The following ENPP6 variants were observed in gnomAD, a reference collection of about 807,000 sequenced individuals.
ENPP6 encodes the protein glycerophosphocholine cholinephosphodiesterase ENPP6.
A neutral mutation model predicts 42.0 loss-of-function variants in ENPP6; 32 were observed. The observed-to-expected ratio is 0.76, with a 90% CI of 0.58 to 1.02. The LOEUF (loss-of-function observed/expected upper bound fraction) is 1.02. Ranked by LOEUF, ENPP6 falls within the 50% of genes least tolerant of loss-of-function variation. ENPP6 has a pLI of 0.00. For missense variants in ENPP6, 552 were observed against 566.8 expected, an observed-to-expected ratio of 0.97 and a Z score of 0.27; for synonymous variants, 213 against 216.0, an observed-to-expected ratio of 0.99 and a Z score of 0.12.
In ENPP6 at chr4:184,112,684, C is replaced by T; in HGVS notation, c.981G>A (p.Trp327Ter). 1 of 1,613,910 alleles carries T rather than the reference C, an allele frequency of 6.2e-7. No homozygotes were observed. The highest frequency in any genetic ancestry group is 8.5e-7 in the Non-Finnish European group (1 of 1,179,966). ...SPLTLVADEG[W>*]FITENREMLP... Reference sequence around the variant, plus strand: ...ATTTCATAATTACCTCAGTTATGAACCAGCCTTCATCAGCCACTAAAGTCA... The same window carrying T: ...ATTTCATAATTACCTCAGTTATGAATCAGCCTTCATCAGCCACTAAAGTCA... The change falls in exon 6 of 8, where the codon TGG (tryptophan) becomes TGA (stop). Residue 327 changes from tryptophan to a stop codon, truncating the protein, a stop_gained. Transcript: ENST00000296741. LOFTEE classifies it high-confidence loss of function.
Position 184,117,838 on chromosome 4 carries a change from T to C in ENPP6, c.596A>G (p.Tyr199Cys), listed in dbSNP as rs371882346. Reference sequence around the variant, plus strand: ...TTTCCTCTGCGGAGATGCAGGCCCGTAGTGGTGGCCTTCCACGTCAATGCG... The same window carrying C: ...TTTCCTCTGCGGAGATGCAGGCCCGCAGTGGTGGCCTTCCACGTCAATGCG... ...HERIDVEGHH[Y>C]GPASPQRKDA... Residue 199 changes from tyrosine (Y) to cysteine (C), a missense_variant, in exon 4 of 8, where the codon TAC (tyrosine) becomes TGC (cysteine). Tyr to Cys is a radical substitution (Grantham distance 194). Around this residue, in one of 2 missense-constraint regions of ENPP6, gnomAD observed 545 missense variants for 546.3 expected, o/e 1.00. Transcript: ENST00000296741. 7.4e-6 allele frequency: 12 copies of C among 1,614,126 alleles called. No homozygotes were observed. The highest frequency in any genetic ancestry group is 1.7e-5 in the Admixed American group (1 of 60,010).
intron 1 of ENPP6, among the ~76,000 whole-genome samples, chr4:184,173,852 ACACGTCAC>A (rs1302434990): frequency 6.6e-6 from 1 of 152,184 alleles, no homozygotes; most frequent in Non-Finnish European, 1.5e-5. Context: ...GAAGAATGAA[ACACGTCAC>A]CACAGGCTGA....
At chr4:184,103,961 A>G (rs1240594304) in intron 6 of ENPP6, among the ~76,000 whole-genome samples, 3 of 152,044 alleles carry the variant, frequency 2.0e-5, no homozygotes, top group African/African-American at 4.8e-5. Flanking sequence ...CTCGGAGTGG[A>G]GCAAAGCGCT....
intron 2 of ENPP6, among the ~76,000 whole-genome samples, chr4:184,139,305 G>A (rs1012271716): frequency 2.2e-4 from 33 of 151,954 alleles, no homozygotes; most frequent in African/African-American, 8.0e-4. Flanking sequence ...AGTTTTAGAG[G>A]GAGCAAAGTT....
At position 184,120,272 on chromosome 4, in the gene ENPP6, G is replaced by A. The variant is rs546539548; in HGVS notation, c.534-2372C>T. On this transcript the variant is annotated intron_variant, in intron 3 of 7. Transcript: ENST00000296741. Reference sequence around the variant, plus strand: ...GGGAGCTGGCTTCCTGGTGGCCCGTGGAAAGAGTTGTGTCATCCATTCCTT... The same window carrying A: ...GGGAGCTGGCTTCCTGGTGGCCCGTAGAAAGAGTTGTGTCATCCATTCCTT... Among the ~76,000 whole-genome samples the A allele has an allele frequency of 5.9e-5, 9 of 152,290 alleles. No individual in the cohort carries two copies. In the South Asian group the frequency reaches 1.7e-3, roughly 28 times the overall value.
rs573173036 is a variant in ENPP6, at chr4:184,184,928, AC to A, written c.242-31196del. Among the ~76,000 whole-genome samples, 16 of 152,318 alleles carry A rather than the reference AC, an allele frequency of 1.1e-4. No homozygotes were observed. Among genetic ancestry groups the A allele is most frequent in the Non-Finnish European group, 7.3e-5 (5 of 68,028 alleles). On this transcript the variant is annotated intron_variant, in intron 1 of 7. Transcript: ENST00000296741. This position sits in a 1 kb window ranked among gnomAD's most constrained non-coding sequence, Gnocchi z 4.7. ...GTGACAGCAGCCCTAGGGAGCTGAC[AC>A]AAAGGCTGCGAGACAGGAGGAATGG...
In ENPP6 at chr4:184,091,094, T is replaced by G; in HGVS notation, c.*83A>C. 7.7e-7 allele frequency: 1 copy of G among 1,300,656 alleles called. No individual in the cohort carries two copies. The highest frequency in any genetic ancestry group is 1.0e-6 in the Non-Finnish European group (1 of 957,688). The allele number at this position is 1,300,656 out of a possible 1,614,324, so 80.6% of individuals were successfully genotyped here. On this transcript the variant is annotated 3_prime_UTR_variant, in exon 8 of 8. Transcript: ENST00000296741. The stretch of plus-strand genomic sequence containing the variant: ...CTTGATTGTGTTAATGAAGCTATTA[T>G]TCACACATAAAATGAAAATCATCTG...
At chr4:184,208,920 CCCT>C (rs1733056496) in intron 1 of ENPP6, among the ~76,000 whole-genome samples, 1 of 143,858 alleles carries the variant, frequency 7.0e-6, no homozygotes, top group Non-Finnish European at 1.5e-5. Flanking sequence ...TCAAGTGGGT[CCCT>C]GACCCCTGAC....
intron 3 of ENPP6, among the ~76,000 whole-genome samples, chr4:184,120,653 C>T (rs1271143138): frequency 6.6e-6 from 1 of 152,192 alleles, no homozygotes; most frequent in East Asian, 1.9e-4. Flanking sequence ...TGATGCAGAT[C>T]ACAAACCCTG....
intron 5 of ENPP6, among the ~76,000 whole-genome samples, chr4:184,113,958 T>TCTTC (rs1491288091): frequency 8.8e-4 from 130 of 147,610 alleles, no homozygotes; most frequent in Middle Eastern, 3.5e-3. Context: ...TTTCTTTCTT[T>TCTTC]CTTTCTCTCT....
intron 1 of ENPP6, among the ~76,000 whole-genome samples, chr4:184,164,060 G>C (rs868481786): frequency 6.6e-6 from 1 of 152,208 alleles, no homozygotes; most frequent in Non-Finnish European, 1.5e-5. Flanking sequence ...GGCTGTGGGC[G>C]TCCTGTTCGC....
chr4:184,158,121 G>A (rs1737204978), intron 1 of ENPP6, among the ~76,000 whole-genome samples: 1 of 152,134 alleles, frequency 6.6e-6, no homozygotes, highest in Non-Finnish European at 1.5e-5. Context: ...AAAAGAAATG[G>A]TCTCTGTCTT....
chr4:184,137,127 C>T (rs1034077392), intron 2 of ENPP6, among the ~76,000 whole-genome samples: 1 of 152,190 alleles, frequency 6.6e-6, no homozygotes, highest in South Asian at 2.1e-4. Flanking sequence ...GATGGAGTCT[C>T]GCTCTGTCAC....
chr4:184,127,778 G>A (rs1434760412), intron 2 of ENPP6, among the ~76,000 whole-genome samples: 5 of 152,276 alleles, frequency 3.3e-5, no homozygotes, highest in South Asian at 2.1e-4. Flanking sequence ...TTAAAAAATC[G>A]TTAAGCCTAA....
intron 5 of ENPP6, 92 bp downstream of exon 5, chr4:184,116,764 C>A (rs933791375): frequency 1.3e-5 from 19 of 1,516,276 alleles, no homozygotes; most frequent in Non-Finnish European, 1.7e-5. Flanking sequence ...ACACACAAAA[C>A]AAAACAAAAA....
rs34358499 is a variant in ENPP6 at position 184,157,774 on chromosome 4, AT to A, written c.242-4042del. On this transcript the variant is annotated intron_variant, in intron 1 of 7. Transcript: ENST00000296741. ...AGGCATGCGCCACCAAACTTGGCTA[AT>A]TTTTTTTTTTTTTTTTGTATTTTTT... Among the ~76,000 whole-genome samples, 539 of 122,352 alleles carry A rather than the reference AT, an allele frequency of 4.4e-3. 4 individuals are homozygous for A. Among genetic ancestry groups the A allele is most frequent in the African/African-American group, 0.016 (516 of 32,000 alleles). The allele number at this position is 122,352 out of a possible 152,430, so 80.3% of individuals were successfully genotyped here. A position where few individuals can be genotyped will look rare whatever the true frequency, so the allele number is the denominator to read the frequency against.
Position 184,117,009 on chromosome 4 carries a change from G to T in ENPP6, c.702C>A (p.Asn234Lys). 1.2e-6 allele frequency: 2 copies of T among 1,614,188 alleles called. No individual in the cohort carries two copies. Among genetic ancestry groups the T allele is most frequent in the South Asian group, 1.1e-5 (1 of 91,076 alleles). ...TTCCGTGATCCGAGAAAATAATGAC[G>T]TTCAGGCGGTCCTGCAGGCCCCGCT... ...IQERGLQDRL[N>K]VIIFSDHGMT... is the part of the protein sequence containing the mutation. Residue 234 changes from asparagine to lysine, a missense_variant, in exon 5 of 8, where the codon AAC (asparagine) becomes AAA (lysine). By Grantham distance (94) the Asn-to-Lys change is moderately conservative. Around this residue, in one of 2 missense-constraint regions of ENPP6, gnomAD observed 545 missense variants for 546.3 expected, o/e 1.00. Coordinates refer to ENST00000296741, the MANE Select transcript of ENPP6 (RefSeq NM_153343.4).
chr4:184,141,146 G>A (rs113117232), intron 2 of ENPP6, among the ~76,000 whole-genome samples: 1,556 of 152,284 alleles, frequency 0.01, 22 homozygotes, highest in South Asian at 0.04. Flanking sequence ...GCTTTGTTTC[G>A]TTTTCTCTAG....
At chr4:184,136,378 A>T (rs1736730084) in intron 2 of ENPP6, among the ~76,000 whole-genome samples, 1 of 151,944 alleles carries the variant, frequency 6.6e-6, no homozygotes, top group Non-Finnish European at 1.5e-5. Context: ...CAAAAAAGGG[A>T]TTTTTAGTAT....
Sources: gnomAD v4.1 joint callset for allele counts (sites outside exome capture counted in the v4.1 genomes callset) on GRCh38, gnomAD v4.1.1 for gene constraint, gnomAD v4.1.1 regional missense constraint, Gnocchi (gnomAD v3.1) non-coding constraint, MANE v1.5 for transcripts, NCBI Gene and HGNC (gene_info 2026-07-23, HGNC 2026-07-21) for gene names.